Variants in CSMD1 observed in about 807,000 individuals in gnomAD.
The protein encoded by CSMD1 is CUB and sushi domain-containing protein 1.
A neutral mutation model predicts 417.5 loss-of-function variants in CSMD1; 213 were observed. The observed-to-expected ratio is 0.51, with a 90% CI of 0.46 to 0.57. The LOEUF is 0.57. Ranked by LOEUF, CSMD1 falls within the 20% of genes least tolerant of loss-of-function variation. The pLI is 0.00. For missense variants in CSMD1, 6,923 were observed against 4,529.7 expected (o/e 1.53, Z -15.17); for synonymous variants, 2,862 against 1,736.8 (o/e 1.65, Z -16.11).
At chr8:3,468,437 A>T (rs115038013) in intron 12 of CSMD1, among the ~76,000 whole-genome samples, 2,777 of 152,272 alleles carry the variant, frequency 0.018, 102 homozygotes, top group African/African-American at 0.063. Context: ...ATCCCCACAT[A>T]TGCCCACACT....
intron 21 of CSMD1, among the ~76,000 whole-genome samples, chr8:3,357,484 C>T (rs763398186): frequency 1.3e-5 from 2 of 152,180 alleles, no homozygotes; most frequent in African/African-American, 4.8e-5. Flanking sequence ...ATAAATAGTA[C>T]CTATTCTTCC....
intron 2 of CSMD1, among the ~76,000 whole-genome samples, chr8:4,475,136 G>C (rs1246605782): frequency 6.6e-6 from 1 of 152,082 alleles, no homozygotes; most frequent in South Asian, 2.1e-4. Context: ...ATTATGTTTA[G>C]GCTAGTATTA....
chr8:4,079,064 G>A (rs1799987062), intron 3 of CSMD1, among the ~76,000 whole-genome samples: 1 of 151,542 alleles, frequency 6.6e-6, no homozygotes, highest in East Asian at 1.9e-4. Flanking sequence ...GGTCCCGAAT[G>A]GAACTTATAC....
At chr8:4,013,135 T>C (rs770544836) in intron 4 of CSMD1, among the ~76,000 whole-genome samples, 24 of 151,932 alleles carry the variant, frequency 1.6e-4, no homozygotes, top group Non-Finnish European at 2.6e-4. Flanking sequence ...TATCCCCCCA[T>C]TGTGCTCCCA....
At chr8:4,947,538 G>A (rs935276998) in intron 1 of CSMD1, among the ~76,000 whole-genome samples, 5 of 152,028 alleles carry the variant, frequency 3.3e-5, no homozygotes, top group African/African-American at 1.2e-4. Context: ...TCAGAAAGGT[G>A]GCATGATAAT....
chr8:4,210,086 C>A (rs1800217679), intron 3 of CSMD1, among the ~76,000 whole-genome samples: 2 of 152,176 alleles, frequency 1.3e-5, no homozygotes, highest in African/African-American at 4.8e-5. Context: ...ACCTCACCAG[C>A]CCTGTACCAG....
chr8:3,981,977 C>T (rs1034051750), intron 5 of CSMD1, among the ~76,000 whole-genome samples: 18 of 151,896 alleles, frequency 1.2e-4, no homozygotes, highest in African/African-American at 4.4e-4. Flanking sequence ...TGAGACCATC[C>T]TGGCTAACAC....
chr8:3,647,687 T>A (rs1177372487), intron 7 of CSMD1, among the ~76,000 whole-genome samples: 1 of 152,224 alleles, frequency 6.6e-6, no homozygotes, highest in South Asian at 2.1e-4. Context: ...AGTACAGTTA[T>A]TGTAAGACAT....
At chr8:3,350,192 G>C (rs1264669116) in intron 21 of CSMD1, among the ~76,000 whole-genome samples, 1 of 123,628 alleles carries the variant, frequency 8.1e-6, no homozygotes, top group East Asian at 2.4e-4. Context: ...CCTATAACTT[G>C]TGTATGTGTG....
intron 2 of CSMD1, among the ~76,000 whole-genome samples, chr8:4,433,111 C>A (rs756555657): frequency 2.0e-5 from 3 of 152,184 alleles, no homozygotes; most frequent in Non-Finnish European, 4.4e-5. Flanking sequence ...CCCATCACCT[C>A]CAGATGGGAC....
chr8:4,294,072 A>G (rs1180136229), intron 3 of CSMD1, among the ~76,000 whole-genome samples: 1 of 152,218 alleles, frequency 6.6e-6, no homozygotes, highest in Non-Finnish European at 1.5e-5. Context: ...GCACCGAAAT[A>G]CTGCGAAGTT....
At chr8:4,058,303 A>G (rs1798801727) in intron 3 of CSMD1, among the ~76,000 whole-genome samples, 1 of 152,020 alleles carries the variant, frequency 6.6e-6, no homozygotes, top group South Asian at 2.1e-4. Flanking sequence ...GCAACTGTGA[A>G]TGGGAGTTCA....
chr8:4,908,888 A>G (rs1805480856), intron 1 of CSMD1, among the ~76,000 whole-genome samples: 1 of 152,146 alleles, frequency 6.6e-6, no homozygotes, highest in African/African-American at 2.4e-5. Flanking sequence ...AAATTCCCTG[A>G]CTGGCAATGT....
At chr8:3,783,860 C>T (rs1227419667) in intron 5 of CSMD1, among the ~76,000 whole-genome samples, 4 of 152,168 alleles carry the variant, frequency 2.6e-5, no homozygotes, top group East Asian at 1.9e-4. Flanking sequence ...ACTGTTTTCA[C>T]CTCAGGAGCA....
At chr8:3,564,091 A>C (rs142017507) in intron 10 of CSMD1, among the ~76,000 whole-genome samples, 1 of 152,190 alleles carries the variant, frequency 6.6e-6, no homozygotes, top group East Asian at 1.9e-4. Context: ...CATAATGACC[A>C]AACAGTGTAA....
At chr8:4,373,430 G>T (rs1428034209) in intron 3 of CSMD1, among the ~76,000 whole-genome samples, 1 of 152,144 alleles carries the variant, frequency 6.6e-6, no homozygotes, top group Non-Finnish European at 1.5e-5. Flanking sequence ...ACAGAGTGTG[G>T]AGTATTTGAA....
chr8:4,955,577 T>A (rs1421586974), intron 1 of CSMD1, among the ~76,000 whole-genome samples: 1 of 152,026 alleles, frequency 6.6e-6, no homozygotes, highest in Non-Finnish European at 1.5e-5. Flanking sequence ...TGCCTCAGCC[T>A]CCCGAGTAGC....
At chr8:4,278,869 T>G (rs1344956024) in intron 3 of CSMD1, among the ~76,000 whole-genome samples, 1 of 152,214 alleles carries the variant, frequency 6.6e-6, no homozygotes, top group Non-Finnish European at 1.5e-5. Flanking sequence ...AATTGCAGTA[T>G]GTATGTAATA....
intron 3 of CSMD1, among the ~76,000 whole-genome samples, chr8:4,174,378 G>C (rs746529963): frequency 6.6e-6 from 1 of 152,002 alleles, no homozygotes; most frequent in Non-Finnish European, 1.5e-5. Context: ...AGTCATTTGC[G>C]CAAGGCCTAA....
Sources: allele counts gnomAD v4.1 joint callset (sites outside exome capture counted in the v4.1 genomes callset), GRCh38; gene constraint gnomAD v4.1.1; transcripts MANE v1.5; gene names NCBI Gene and HGNC (gene_info 2026-07-23, HGNC 2026-07-21).